The following PBX1 variants were observed in gnomAD, a reference collection of about 807,000 sequenced individuals.
PBX1 encodes pre-B-cell leukemia transcription factor 1.
A neutral mutation model predicts 53.4 loss-of-function variants in PBX1; 6 were observed. The observed-to-expected ratio is 0.11, with a 90% CI of 0.06 to 0.22. The LOEUF (loss-of-function observed/expected upper bound fraction) is 0.22. PBX1 is among the 10% of genes least tolerant of loss of function. The pLI is 1.00. For synonymous variants in PBX1, 204 were observed against 212.3 expected, an observed-to-expected ratio of 0.96 and a Z score of 0.34; for missense variants, 251 against 551.4, an observed-to-expected ratio of 0.46 and a Z score of 5.46.
At position 164,851,022 on chromosome 1, in the gene PBX1, A is replaced by AG. The variant is rs1274625696; in HGVS notation, c.*4347dup. The AG allele has an allele frequency of 9.9e-5, 22 of 223,232 alleles. No individual in the cohort carries two copies. Among genetic ancestry groups the AG allele is most frequent in the African/African-American group, 4.9e-4 (22 of 44,764 alleles). The allele number at this position is 223,232 out of a possible 1,614,324, so 13.8% of individuals were successfully genotyped here. A position where few individuals can be genotyped will look rare whatever the true frequency, so the allele number is the denominator to read the frequency against. Reference sequence around the variant, plus strand: ...CATGCAGGAAGAAGTCCTTGGGGCCAGTCTGCCAGCTGAGTCCTGGTTTTG... The same window carrying AG: ...CATGCAGGAAGAAGTCCTTGGGGCCAGGTCTGCCAGCTGAGTCCTGGTTTTG... On this transcript the variant is annotated 3_prime_UTR_variant, in exon 9 of 9. Coordinates refer to ENST00000420696, the MANE Select transcript of PBX1 (RefSeq NM_002585.4).
chr1:164,591,057 G>A (rs1655340643), intron 2 of PBX1, among the ~76,000 whole-genome samples: 1 of 149,906 alleles, frequency 6.7e-6, no homozygotes, highest in Non-Finnish European at 1.5e-5. Context: ...CTGTTGCCAG[G>A]CTGGAGTGCA....
intron 6 of PBX1, chr1:164,819,802 G>A: frequency 3.0e-6 from 1 of 338,918 alleles, no homozygotes; most frequent in Admixed American, 4.5e-5. Context: ...GAAGAATAAA[G>A]GTTCCCTTTC....
At position 164,865,082 on chromosome 1, in the gene PBX1, T is replaced by C. The variant is rs1672184905; in HGVS notation, n.257+33599T>C. On this transcript the variant is annotated intron_variant and non_coding_transcript_variant, in intron 2 of 2. Transcript: ENST00000558796. ...TGGCACCACCAATTTGTCTAGCATT[T>C]TATAAGGTGTACTGACACATTCCTC... Among the ~76,000 whole-genome samples the C allele has an allele frequency of 3.3e-5, 5 of 152,306 alleles. No homozygotes were observed. The South Asian group carries it at 1.0e-3, about 32-fold the overall frequency.
intron 2 of PBX1, among the ~76,000 whole-genome samples, chr1:164,608,831 G>C (rs965523521): frequency 6.6e-6 from 1 of 152,178 alleles, no homozygotes; most frequent in Non-Finnish European, 1.5e-5. Flanking sequence ...ATGGTACAAG[G>C]TTGGTAGGAG....
intron 2 of PBX1, among the ~76,000 whole-genome samples, chr1:164,875,221 G>A (rs1672475368): frequency 6.6e-6 from 1 of 152,160 alleles, no homozygotes; most frequent in South Asian, 2.1e-4. Context: ...AAAAGCAAAG[G>A]AAGCACGACT....
chr1:164,587,012 G>T (rs11590055), intron 2 of PBX1, among the ~76,000 whole-genome samples: 2 of 152,170 alleles, frequency 1.3e-5, no homozygotes, highest in African/African-American at 2.4e-5. Flanking sequence ...GCGTTGTAAG[G>T]ATGTCATGCA....
intron 2 of PBX1, among the ~76,000 whole-genome samples, chr1:164,866,452 C>T (rs1672220493): frequency 6.6e-6 from 1 of 152,232 alleles, no homozygotes; most frequent in South Asian, 2.1e-4. Flanking sequence ...CAACATAGGA[C>T]AGCAACAGAC....
rs138231569 is a variant in PBX1, at chr1:164,761,762, T to C, written c.266-30732T>C. ...CCGGCCCATTGGGACATTATTCTTA[T>C]GGTCATTTTAGCAAATTGTAAAGCT... On this transcript the variant is annotated intron_variant, in intron 2 of 8. Coordinates refer to ENST00000420696, the MANE Select transcript of PBX1 (RefSeq NM_002585.4). 5.6e-3 allele frequency among the ~76,000 whole-genome samples: 846 copies of C among 152,344 alleles called. 5 individuals are homozygous for C. The highest frequency in any genetic ancestry group is 0.02 in the African/African-American group (812 of 41,580).
In PBX1 at chr1:164,847,217, C is replaced by G; in HGVS notation, c.*541C>G. 9.3e-7 allele frequency: 1 copy of G among 1,074,226 alleles called. No homozygotes were observed. Among genetic ancestry groups the G allele is most frequent in the Non-Finnish European group, 1.1e-6 (1 of 883,874 alleles). The allele number at this position is 1,074,226 out of a possible 1,614,324, so 66.5% of individuals were successfully genotyped here. On this transcript the variant is annotated 3_prime_UTR_variant, in exon 9 of 9. Transcript: ENST00000420696. ...ATTGCCCTATTCATTCCAGGCCTCC[C>G]TGCTTCCTCTTGCTCTTCCTCCCTG...
At chr1:164,653,716 G>C (rs1341498160) in intron 2 of PBX1, among the ~76,000 whole-genome samples, 3 of 152,220 alleles carry the variant, frequency 2.0e-5, no homozygotes, top group Non-Finnish European at 4.4e-5. Flanking sequence ...GTTGCGGTGA[G>C]CCAAGATGGT....
chr1:164,691,176 G>C (rs572419869), intron 2 of PBX1, among the ~76,000 whole-genome samples: 1 of 151,746 alleles, frequency 6.6e-6, no homozygotes, highest in African/African-American at 2.4e-5. Flanking sequence ...CACCATGCCC[G>C]GCTAATTTTT....
intron 2 of PBX1, among the ~76,000 whole-genome samples, chr1:164,565,479 G>A (rs1653370789): frequency 6.6e-6 from 1 of 151,478 alleles, no homozygotes; most frequent in Non-Finnish European, 1.5e-5. Flanking sequence ...GGGCACCCCT[G>A]GGTGAAAGTA....
chr1:164,677,007 G>C (rs1335344985), intron 2 of PBX1, among the ~76,000 whole-genome samples: 1 of 151,386 alleles, frequency 6.6e-6, no homozygotes, highest in Non-Finnish European at 1.5e-5. Context: ...GTAATTCTAA[G>C]GTTTCAACAT....
chr1:164,735,469 T>G (rs1665217215), intron 2 of PBX1, among the ~76,000 whole-genome samples: 1 of 152,076 alleles, frequency 6.6e-6, no homozygotes, highest in Non-Finnish European at 1.5e-5. Context: ...AGAGAGCAAT[T>G]GAGAGAGAAA....
intron 2 of PBX1, among the ~76,000 whole-genome samples, chr1:164,758,213 G>C (rs538316513): frequency 9.3e-4 from 141 of 152,236 alleles, no homozygotes; most frequent in East Asian, 1.9e-3. Context: ...ATCTGTGAGC[G>C]GAACGTTGTG....
At chr1:164,673,647 C>T (rs1661244927) in intron 2 of PBX1, among the ~76,000 whole-genome samples, 1 of 152,014 alleles carries the variant, frequency 6.6e-6, no homozygotes, top group South Asian at 2.1e-4. Flanking sequence ...AAGTTACTAA[C>T]ATTTTTAAGT....
rs80171321 is a variant in PBX1 at position 164,786,609 on chromosome 1, C to G, written c.266-5885C>G. 6.1e-3 allele frequency among the ~76,000 whole-genome samples: 925 copies of G among 151,932 alleles called. 9 individuals are homozygous for G. The highest frequency in any genetic ancestry group is 0.021 in the African/African-American group (886 of 41,464). On this transcript the variant is annotated intron_variant, in intron 2 of 8. Transcript: ENST00000420696. ...ATTAGGAAATCAATAGAAAAAACTT[C>G]CTTCTTTCCATTACTATCTGATTGT... is the stretch of plus-strand genomic sequence containing the variant.
chr1:164,758,033 T>C (rs1666620372), intron 2 of PBX1, among the ~76,000 whole-genome samples: 1 of 152,232 alleles, frequency 6.6e-6, no homozygotes. Flanking sequence ...ATCTGATTTT[T>C]AGTTGGGCAG....
chr1:164,881,226 A>G (rs758157025), intron 2 of PBX1, among the ~76,000 whole-genome samples: 24 of 152,032 alleles, frequency 1.6e-4, no homozygotes, highest in Admixed American at 6.6e-5. Flanking sequence ...TAAACCCCCC[A>G]TAGTATAAAA....
Sources: gnomAD v4.1 joint callset for allele counts (sites outside exome capture counted in the v4.1 genomes callset) on GRCh38, gnomAD v4.1.1 for gene constraint, MANE v1.5 for transcripts, NCBI Gene and HGNC (gene_info 2026-07-23, HGNC 2026-07-21) for gene names.